Variants in BUD31 observed in about 807,000 individuals in gnomAD.
BUD31 encodes the protein protein BUD31 homolog.
BUD31 carries 9 observed loss-of-function variants against 17.9 expected under a neutral mutation model. That is an observed-to-expected ratio of 0.50 (90% confidence interval 0.30 to 0.88). BUD31 has a LOEUF of 0.88. Ranked by LOEUF, BUD31 falls within the 40% of genes least tolerant of loss-of-function variation. BUD31 has a pLI of 0.06. For missense variants in BUD31, 148 were observed against 184.5 expected, an observed-to-expected ratio of 0.80 and a Z score of 1.15; for synonymous variants, 70 against 64.7, an observed-to-expected ratio of 1.08 and a Z score of -0.39.
At chr7:99,418,415 G>A (rs1420190990) in intron 5 of BUD31, 1 of 154,696 alleles carries the variant, frequency 6.5e-6, no homozygotes, top group Non-Finnish European at 1.4e-5. Flanking sequence ...AGTCACAGCA[G>A]TGGCCGCTCA....
chr7:99,418,979 C>T (rs976911935), intron 5 of BUD31: 1 of 200,682 alleles, frequency 5.0e-6, no homozygotes, highest in Non-Finnish European at 1.0e-5. Context: ...GACTCAAGTG[C>T]ATAGTCTCCT....
chr7:99,417,532 G>C lies in BUD31; in HGVS notation c.321G>C (p.Gln107His), dbSNP rs1236109408. The part of the protein sequence containing the change: ...YENLCCLRCI[Q>H]TRDTNFGTNC... ...ACTTGTGCTGCCTGCGGTGCATTCA[G>C]ACACGGGACACCAACTTCGGGACGA... The change falls in exon 5 of 6, where the codon CAG (glutamine) becomes CAC (histidine). Residue 107 changes from glutamine (Q) to histidine (H), a missense_variant. Gln to His is a conservative substitution (Grantham distance 24). Coordinates refer to ENST00000222969, the MANE Select transcript of BUD31 (RefSeq NM_003910.4). The C allele has an allele frequency of 5.0e-6, 8 of 1,611,908 alleles. No individual in the cohort carries two copies. Among genetic ancestry groups the C allele is most frequent in the African/African-American group, 1.3e-5 (1 of 74,910 alleles).
chr7:99,417,954 A>C, intron 5 of BUD31: 1 of 1,217,302 alleles, frequency 8.2e-7, no homozygotes, highest in East Asian at 5.2e-5. Context: ...GTGATACTTT[A>C]ACATTACCAT....
intron 4 of BUD31, 188 bp from the exon 5 acceptor site, chr7:99,417,241 C>T (rs896691146): frequency 7.3e-5 from 39 of 532,696 alleles, no homozygotes; most frequent in Middle Eastern, 1.0e-3. Context: ...TTAGTAGAGA[C>T]GGGGTTTTAC....
chr7:99,414,373 C>T (rs919008984), intron 3 of BUD31, among the ~76,000 whole-genome samples: 2 of 152,038 alleles, frequency 1.3e-5, no homozygotes, highest in Non-Finnish European at 2.9e-5. Context: ...CTCCTGACCT[C>T]GTGGTCCGCC....
intron 3 of BUD31, among the ~76,000 whole-genome samples, chr7:99,412,806 A>G (rs1019397021): frequency 4.1e-4 from 59 of 144,648 alleles, no homozygotes; most frequent in African/African-American, 1.5e-3. Context: ...TATTTTTAGT[A>G]GAGACGGGGT....
At chr7:99,412,211 G>T (rs548315113) in intron 3 of BUD31, among the ~76,000 whole-genome samples, 2 of 152,170 alleles carry the variant, frequency 1.3e-5, no homozygotes, top group African/African-American at 4.8e-5. Flanking sequence ...TGGGCCTATT[G>T]CAGTAATCAC....
chr7:99,411,015 G>C (rs990396328), intron 2 of BUD31, 49 bp from the exon 3 acceptor site: 1 of 1,261,260 alleles, frequency 7.9e-7, no homozygotes, highest in African/African-American at 1.5e-5. Context: ...GGCTGGCAAA[G>C]GCCTTTGGGG....
rs1795117334 is a variant in BUD31 at position 99,410,111 on chromosome 7, G to T, written c.-88G>T. 6.6e-6 allele frequency: 1 copy of T among 152,210 alleles called. No individual in the cohort carries two copies. The highest frequency in any genetic ancestry group is 1.5e-5 in the Non-Finnish European group (1 of 68,050). The allele number at this position is 152,210 out of a possible 1,614,324, so 9.4% of individuals were successfully genotyped here. A position where few individuals can be genotyped will look rare whatever the true frequency, so the allele number is the denominator to read the frequency against. On this transcript the variant is annotated 5_prime_UTR_variant, in exon 2 of 6. Transcript: ENST00000222969. ...TAGAGCTGAACAAGAATCCAAGCCT[G>T]CAACTGCAGAGACGAGAGATCTTTC...
rs138134709 is a variant in BUD31 at position 99,413,029 on chromosome 7, C to T, written c.94+1843C>T. On this transcript the variant is annotated intron_variant, in intron 3 of 5. Transcript: ENST00000222969. ...TTACGAAAGAACGAGATCTAATGGA[C>T]TTACCGTTCCATGTGGTTGGAGAGG... Among the ~76,000 whole-genome samples, 514 of 152,166 alleles carry T rather than the reference C, an allele frequency of 3.4e-3. 4 individuals carry two copies. The highest frequency in any genetic ancestry group is 0.023 in the Admixed American group (351 of 15,282).
chr7:99,417,519 T>G lies in BUD31; in HGVS notation c.308T>G (p.Leu103Arg). The G allele has an allele frequency of 6.2e-7, 1 of 1,611,886 alleles. No individual in the cohort carries two copies. The highest frequency in any genetic ancestry group is 8.5e-7 in the Non-Finnish European group (1 of 1,178,366). Residue 103 changes from leucine (L) to arginine (R), a missense_variant, in exon 5 of 6, where the codon CTG becomes CGG. Coordinates refer to ENST00000222969, the MANE Select transcript of BUD31 (RefSeq NM_003910.4). ...KKQGYENLCC[L>R]RCIQTRDTNF... ...CAAGGATATGAGAACTTGTGCTGCC[T>G]GCGGTGCATTCAGACACGGGACACC...
chr7:99,417,239 G>A, intron 4 of BUD31, 190 bp from the exon 5 acceptor site: 1 of 531,614 alleles, frequency 1.9e-6, no homozygotes, highest in South Asian at 2.0e-5. Context: ...TTTTAGTAGA[G>A]ACGGGGTTTT....
intron 3 of BUD31, chr7:99,415,338 G>C (rs990730659): frequency 2.3e-6 from 1 of 442,066 alleles, no homozygotes; most frequent in African/African-American, 2.0e-5. Flanking sequence ...CAGAGAGAGA[G>C]AGACAGCTTA....
At chr7:99,417,089 C>T (rs539326898) in intron 4 of BUD31, 464 of 218,198 alleles carry the variant, frequency 2.1e-3, no homozygotes, top group Non-Finnish European at 2.9e-3. Flanking sequence ...GATGGAGTTT[C>T]GCTGTCACCC....
intron 5 of BUD31, 90 bp downstream of exon 5, chr7:99,417,685 T>C: frequency 6.4e-7 from 1 of 1,564,216 alleles, no homozygotes; most frequent in Non-Finnish European, 8.6e-7. Flanking sequence ...TTGGTTGGGC[T>C]GGAATGTCGT....
At chr7:99,415,214 T>C (rs1562831242) in intron 3 of BUD31, 1 of 454,938 alleles carries the variant, frequency 2.2e-6, no homozygotes, top group Admixed American at 2.4e-5. Context: ...TGATATTTAT[T>C]GGATACAAGA....
chr7:99,411,735 T>C (rs999127909), intron 3 of BUD31: 3 of 455,608 alleles, frequency 6.6e-6, no homozygotes, highest in African/African-American at 6.0e-5. Flanking sequence ...GTTGGAGTCT[T>C]GCTCTGTCTT....
At chr7:99,409,923 A>G (rs1217548151) in intron 1 of BUD31, 111 bp from the exon 2 acceptor site, 1 of 152,208 alleles carries the variant, frequency 6.6e-6, no homozygotes, top group African/African-American at 2.4e-5. Flanking sequence ...ACGCTTTGCT[A>G]TTTAGATTGG....
intron 4 of BUD31, chr7:99,417,035 C>G (rs191109317): frequency 5.3e-6 from 1 of 189,032 alleles, no homozygotes; most frequent in Admixed American, 5.5e-5. Context: ...GTTCCTCCTC[C>G]AAGGACTGTC....
Sources: allele counts gnomAD v4.1 joint callset (sites outside exome capture counted in the v4.1 genomes callset), GRCh38; gene constraint gnomAD v4.1.1; transcripts MANE v1.5; gene names NCBI Gene and HGNC (gene_info 2026-07-23, HGNC 2026-07-21).